Variants in PFKFB3 observed in about 807,000 individuals in gnomAD.
PFKFB3 encodes the protein 6-phosphofructo-2-kinase/fructose-2,6-bisphosphatase 3.
PFKFB3 carries 33 observed loss-of-function variants against 68.0 expected under a neutral mutation model. That is an observed-to-expected ratio of 0.49 (90% CI 0.37 to 0.65). The LOEUF is 0.65. PFKFB3 is among the 30% of genes least tolerant of loss of function. The pLI is 0.00. For synonymous variants in PFKFB3, 315 were observed against 288.2 expected (o/e 1.09, Z -0.94); for missense variants, 586 against 712.2 (o/e 0.82, Z 2.02).
intron 14 of PFKFB3, chr10:6,231,191 T>C (rs1234754071): frequency 6.4e-6 from 7 of 1,091,396 alleles, no homozygotes; most frequent in Non-Finnish European, 9.8e-6. Flanking sequence ...CACTAGAAAA[T>C]CCTACTAAAG....
At chr10:6,231,344 C>A (rs754845031) in intron 14 of PFKFB3, 24 of 1,611,914 alleles carry the variant, frequency 1.5e-5, no homozygotes, top group Non-Finnish European at 2.0e-5. Flanking sequence ...TCCCTCTGTC[C>A]CGCACCGCGT....
At chr10:6,160,516 G>A (rs1342779713) in intron 1 of PFKFB3, among the ~76,000 whole-genome samples, 4 of 152,110 alleles carry the variant, frequency 2.6e-5, no homozygotes, top group African/African-American at 7.2e-5. Flanking sequence ...TCAGGAGTTC[G>A]AGACCAGCCT....
chr10:6,213,086 A>C (rs1844335887), intron 1 of PFKFB3, among the ~76,000 whole-genome samples: 1 of 152,128 alleles, frequency 6.6e-6, no homozygotes, highest in Non-Finnish European at 1.5e-5. Flanking sequence ...CCTGGGTATC[A>C]GCTCAGGAAT....
intron 1 of PFKFB3, among the ~76,000 whole-genome samples, chr10:6,188,990 T>A (rs758924953): frequency 5.2e-4 from 79 of 151,962 alleles, no homozygotes; most frequent in East Asian, 3.1e-3. Flanking sequence ...GCCCGCCACC[T>A]TGCCCGGCTA....
chr10:6,212,586 A>G (rs1844303166), intron 1 of PFKFB3, among the ~76,000 whole-genome samples: 1 of 152,040 alleles, frequency 6.6e-6, no homozygotes, highest in South Asian at 2.1e-4. Flanking sequence ...TGGAGGATTT[A>G]CCTGTCCACT....
upstream of PFKFB3, among the ~76,000 whole-genome samples, chr10:6,200,324 C>T (rs914757084): frequency 5.9e-5 from 9 of 152,192 alleles, no homozygotes; most frequent in Middle Eastern, 6.8e-3. Context: ...TGAAGGGCCG[C>T]CTTTGTGATA....
chr10:6,203,973 GA>G (rs1200644066), intron 1 of PFKFB3, among the ~76,000 whole-genome samples: 1 of 152,220 alleles, frequency 6.6e-6, no homozygotes, highest in Non-Finnish European at 1.5e-5. Context: ...GGGGCGCCAG[GA>G]GAGCCACCTG....
intron 1 of PFKFB3, among the ~76,000 whole-genome samples, chr10:6,150,581 G>A (rs1009561461): frequency 5.3e-5 from 8 of 152,116 alleles, no homozygotes; most frequent in Non-Finnish European, 1.2e-4. Context: ...CTGAAATCGT[G>A]GCCACTGCAC....
chr10:6,283,707 G>A, the PFKFB3 span, among the ~76,000 whole-genome samples: 5 of 152,210 alleles, frequency 3.3e-5, no homozygotes, highest in East Asian at 7.7e-4. Flanking sequence ...AGTTGCTGTG[G>A]ACCCCCAGAT....
At chr10:6,177,354 C>CTTTCTTTCTTTCTT (rs1301342118) in intron 1 of PFKFB3, among the ~76,000 whole-genome samples, 3 of 77,924 alleles carry the variant, frequency 3.8e-5, no homozygotes, top group East Asian at 4.0e-4. Context: ...CTTTTCTTTT[C>CTTTCTTTCTTTCTT]TCTTTCTTTC....
At chr10:6,290,223 C>G in the PFKFB3 span, among the ~76,000 whole-genome samples, 1 of 151,822 alleles carries the variant, frequency 6.6e-6, no homozygotes, top group Admixed American at 6.6e-5. Flanking sequence ...TTGCCCTGGC[C>G]AGAACTTCCA....
chr10:6,206,601 C>T (rs1843732852), intron 1 of PFKFB3, among the ~76,000 whole-genome samples: 1 of 147,658 alleles, frequency 6.8e-6, no homozygotes, highest in African/African-American at 2.6e-5. Context: ...CACCTCCCTC[C>T]CGGACGGGGT....
At chr10:6,260,339 G>A in the PFKFB3 span, among the ~76,000 whole-genome samples, 4 of 147,572 alleles carry the variant, frequency 2.7e-5, no homozygotes, top group Non-Finnish European at 4.4e-5. Context: ...GCATGAACCC[G>A]GGAGGCAGAG....
chr10:6,258,485 C>T (rs1231267635), downstream of PFKFB3, among the ~76,000 whole-genome samples: 1 of 152,214 alleles, frequency 6.6e-6, no homozygotes, highest in Admixed American at 6.5e-5. Flanking sequence ...ACCATAGGGA[C>T]CACTTGGTGA....
chr10:6,219,920 A>G lies in PFKFB3; in HGVS notation c.623+227A>G, dbSNP rs560719919. On this transcript the variant is annotated intron_variant, in intron 7 of 14. Transcript: ENST00000379775. ...ATACCTTTATCAACTCTCTTTGAAA[A>G]TATCTTTTAAAAACAATCCTTGATG... Among the ~76,000 whole-genome samples, 4 of 152,188 alleles carry G rather than the reference A, an allele frequency of 2.6e-5. No individual in the cohort carries two copies. The East Asian group carries it at 5.8e-4, about 22-fold the overall frequency.
chr10:6,231,378 G>T, intron 14 of PFKFB3: 2 of 1,608,256 alleles, frequency 1.2e-6, no homozygotes, highest in East Asian at 2.2e-5. Flanking sequence ...TCTGTGTGCA[G>T]ACTGGCCATC....
chr10:6,297,138 G>A, the PFKFB3 span, among the ~76,000 whole-genome samples: 1 of 152,340 alleles, frequency 6.6e-6, no homozygotes, highest in East Asian at 1.9e-4. Context: ...ATATTTTAGT[G>A]CCTGTGACAT....
intron 14 of PFKFB3, among the ~76,000 whole-genome samples, chr10:6,226,906 C>G (rs190175472): frequency 2.6e-5 from 4 of 152,116 alleles, no homozygotes; most frequent in African/African-American, 9.7e-5. Context: ...GCCAACATGG[C>G]GAAACCCTGT....
chr10:6,192,664 CGTGTGT>C (rs34129264), intron 1 of PFKFB3, among the ~76,000 whole-genome samples: 3,421 of 128,798 alleles, frequency 0.027, 38 homozygotes, highest in Middle Eastern at 0.041. Flanking sequence ...TCCCCTCACC[CGTGTGT>C]GTGTGTGTGT....
Sources: gnomAD v4.1 joint callset for allele counts (sites outside exome capture counted in the v4.1 genomes callset) on GRCh38, gnomAD v4.1.1 for gene constraint, MANE v1.5 for transcripts, NCBI Gene and HGNC (gene_info 2026-07-23, HGNC 2026-07-21) for gene names.